The following BMPER variants were observed in gnomAD, a reference collection of about 807,000 sequenced individuals.
The protein encoded by BMPER is BMP-binding endothelial regulator protein.
BMPER carries 45 observed loss-of-function variants against 87.3 expected under a neutral mutation model. That is an observed-to-expected ratio of 0.52 (90% CI 0.41 to 0.66). The LOEUF is 0.66. BMPER is among the 30% of genes least tolerant of loss of function. The probability of loss-of-function intolerance (pLI) is 0.00; values close to 1 mark genes in which losing one functional copy is unlikely to be tolerated. For synonymous variants in BMPER, 326 were observed against 316.2 expected, an observed-to-expected ratio of 1.03 and a Z score of -0.33; for missense variants, 784 against 867.5, an observed-to-expected ratio of 0.90 and a Z score of 1.21.
At chr7:33,955,003 T>C (rs543778351) in intron 3 of BMPER, among the ~76,000 whole-genome samples, 9 of 152,210 alleles carry the variant, frequency 5.9e-5, no homozygotes, top group Non-Finnish European at 1.0e-4. Context: ...GTTCAAGCGA[T>C]TCTCCTGCCT....
At chr7:33,957,951 G>A (rs779546078) in intron 3 of BMPER, among the ~76,000 whole-genome samples, 1 of 152,152 alleles carries the variant, frequency 6.6e-6, no homozygotes, top group African/African-American at 2.4e-5. Flanking sequence ...TACGTGTGTT[G>A]TAGATAACAC....
chr7:34,020,209 A>T (rs952577073), intron 6 of BMPER, among the ~76,000 whole-genome samples: 2 of 151,934 alleles, frequency 1.3e-5, no homozygotes, highest in Non-Finnish European at 2.9e-5. Flanking sequence ...CCACTGAAAG[A>T]TTTAATCCAT....
At chr7:34,149,278 A>G (rs192234012) in intron 14 of BMPER, among the ~76,000 whole-genome samples, 180 of 152,314 alleles carry the variant, frequency 1.2e-3, no homozygotes, top group Non-Finnish European at 4.4e-4. Flanking sequence ...AGGCATATCA[A>G]GAGACTCTTA....
At position 34,010,072 on chromosome 7, in the gene BMPER, A is replaced by C. The variant is rs114102260; in HGVS notation, c.576+35288A>C. On this transcript the variant is annotated intron_variant, in intron 6 of 14. Transcript: ENST00000649409. ...TACTTTTATTTATCCACTATCCCTC[A>C]TACATCTTATAAACCACACTCTCCT... Among the ~76,000 whole-genome samples, 993 of 152,016 alleles carry C rather than the reference A, an allele frequency of 6.5e-3. 10 individuals are homozygous for C. The highest frequency in any genetic ancestry group is 0.023 in the African/African-American group (955 of 41,510).
At chr7:34,035,708 TCTGGCCTCA>T (rs1671214556) in intron 6 of BMPER, among the ~76,000 whole-genome samples, 3 of 152,220 alleles carry the variant, frequency 2.0e-5, no homozygotes, top group Non-Finnish European at 1.5e-5. Flanking sequence ...CTGATGTTAC[TCTGGCCTCA>T]CTGTGTGGCT....
At chr7:33,981,641 T>C (rs79909830) in intron 6 of BMPER, among the ~76,000 whole-genome samples, 2 of 152,324 alleles carry the variant, frequency 1.3e-5, no homozygotes, top group African/African-American at 2.4e-5. Context: ...ATCTGCTGAA[T>C]TCATGAACAA....
intron 13 of BMPER, among the ~76,000 whole-genome samples, chr7:34,129,610 A>AGAGAGAC: frequency 1.4e-5 from 1 of 69,666 alleles, no homozygotes; most frequent in Non-Finnish European, 3.0e-5. Flanking sequence ...GAGAGAGAGA[A>AGAGAGAC]AGAGAGAGAG....
chr7:34,041,113 C>T (rs1006918849), intron 6 of BMPER, among the ~76,000 whole-genome samples: 10 of 152,074 alleles, frequency 6.6e-5, no homozygotes, highest in African/African-American at 2.4e-4. Flanking sequence ...AGGAAAGGCC[C>T]TATTAGATGG....
intron 12 of BMPER, among the ~76,000 whole-genome samples, chr7:34,084,001 TAA>T (rs57825100): frequency 0.33 from 40,688 of 122,444 alleles, 6,169 homozygotes; most frequent in African/African-American, 0.4. Flanking sequence ...AGGAAAGATT[TAA>T]AAAAAAAAAA....
At chr7:33,920,398 C>T (rs1249630871) in intron 2 of BMPER, among the ~76,000 whole-genome samples, 1 of 147,918 alleles carries the variant, frequency 6.8e-6, no homozygotes, top group Admixed American at 6.8e-5. Flanking sequence ...GGCTCCTGTG[C>T]AGACCAGGGA....
chr7:33,995,623 G>A (rs910429653), intron 6 of BMPER, among the ~76,000 whole-genome samples: 2 of 152,190 alleles, frequency 1.3e-5, no homozygotes, highest in Admixed American at 6.5e-5. Flanking sequence ...ATTTGGAAGA[G>A]CTTTGAGGTT....
intron 14 of BMPER, among the ~76,000 whole-genome samples, chr7:34,152,011 A>T (rs911830557): frequency 6.6e-6 from 1 of 152,228 alleles, no homozygotes; most frequent in Non-Finnish European, 1.5e-5. Context: ...ATGATCAAAG[A>T]TCAACATTTT....
At chr7:34,142,446 C>A (rs777136321) in intron 13 of BMPER, among the ~76,000 whole-genome samples, 2 of 152,070 alleles carry the variant, frequency 1.3e-5, no homozygotes, top group Admixed American at 1.3e-4. Context: ...TAATGTAAGG[C>A]CATTATTATG....
intron 2 of BMPER, among the ~76,000 whole-genome samples, chr7:33,933,697 T>TG (rs892140767): frequency 6.6e-6 from 1 of 152,162 alleles, no homozygotes; most frequent in African/African-American, 2.4e-5. Context: ...CACAGGCCCC[T>TG]GGAGTTGCTC....
At chr7:33,937,501 G>C (rs1163087627) in intron 3 of BMPER, 113 bp downstream of exon 3, 8 of 990,246 alleles carry the variant, frequency 8.1e-6, no homozygotes, top group Non-Finnish European at 1.2e-5. Context: ...CATGGGTGGG[G>C]AGGAGAAGTA....
chr7:33,974,602 G>C (rs1348419554), intron 5 of BMPER, 100 bp from the exon 6 acceptor site: 1 of 1,161,598 alleles, frequency 8.6e-7, no homozygotes. Flanking sequence ...ACACTCAGCT[G>C]TGTGGAGGTG....
chr7:34,146,164 C>T (rs1380751849), intron 14 of BMPER, among the ~76,000 whole-genome samples: 2 of 152,122 alleles, frequency 1.3e-5, no homozygotes, highest in Admixed American at 1.3e-4. Context: ...AGTTCAGATT[C>T]ATGTAGAATA....
intron 3 of BMPER, among the ~76,000 whole-genome samples, chr7:33,946,237 CTG>C (rs1784891702): frequency 1.3e-5 from 2 of 152,126 alleles, no homozygotes; most frequent in Non-Finnish European, 2.9e-5. Flanking sequence ...ATGGGGGAAA[CTG>C]CCCCCCATGA....
Position 34,005,033 on chromosome 7 carries a change from A to G in BMPER, c.576+30249A>G, listed in dbSNP as rs1037020647. ...CTTTAATGCTGCTTCAAGTAGCTGC[A>G]ATATTAAACAATTACCACTGATAGT... is the stretch of plus-strand genomic sequence containing the variant. On this transcript the variant is annotated intron_variant, in intron 6 of 14. Coordinates refer to ENST00000649409, the MANE Select transcript of BMPER (RefSeq NM_001365308.1). Among the ~76,000 whole-genome samples the G allele has an allele frequency of 3.3e-5, 5 of 152,170 alleles. No homozygotes were observed. In the South Asian group the frequency reaches 8.3e-4, roughly 25 times the overall value.
Sources: allele counts gnomAD v4.1 joint callset (sites outside exome capture counted in the v4.1 genomes callset), GRCh38; gene constraint gnomAD v4.1.1; transcripts MANE v1.5; gene names NCBI Gene and HGNC (gene_info 2026-07-23, HGNC 2026-07-21).